The following ROR1 variants were observed in gnomAD, a reference collection of about 807,000 sequenced individuals.
ROR1 encodes inactive tyrosine-protein kinase transmembrane receptor ROR1.
Under a neutral mutation model 78.8 loss-of-function variants are expected in ROR1, and 19 were observed. The observed-to-expected ratio is 0.24, with a 90% CI of 0.17 to 0.35. The LOEUF is 0.35. Ranked by LOEUF, ROR1 falls within the 10% of genes least tolerant of loss-of-function variation. The probability of loss-of-function intolerance (pLI) is 1.00; values close to 1 mark genes in which losing one functional copy is unlikely to be tolerated. For synonymous variants in ROR1, 386 were observed against 433.6 expected (o/e 0.89, Z 1.36); for missense variants, 917 against 1,177.8 (o/e 0.78, Z 3.24).
chr1:64,176,592 G>A (rs546093069), intron 8 of ROR1, among the ~76,000 whole-genome samples: 43 of 152,316 alleles, frequency 2.8e-4, no homozygotes, highest in African/African-American at 9.4e-4. Context: ...TGTGTAACCA[G>A]CCACCACACT....
intron 1 of ROR1, among the ~76,000 whole-genome samples, chr1:63,906,661 A>T (rs1315679801): frequency 5.3e-5 from 8 of 152,132 alleles, no homozygotes; most frequent in Admixed American, 5.2e-4. Flanking sequence ...GGAGATTCAG[A>T]TGTGCAAGAG....
chr1:63,983,568 T>C (rs1336432701), intron 1 of ROR1, among the ~76,000 whole-genome samples: 1 of 152,174 alleles, frequency 6.6e-6, no homozygotes, highest in Non-Finnish European at 1.5e-5. Context: ...GATTTTAAGG[T>C]TTTAGAAACA....
At chr1:63,850,073 C>T (rs1645104583) in intron 1 of ROR1, among the ~76,000 whole-genome samples, 1 of 152,332 alleles carries the variant, frequency 6.6e-6, no homozygotes, top group Non-Finnish European at 1.5e-5. Context: ...CATAAATGCA[C>T]TGAGTGCTAC....
chr1:63,990,304 C>A (rs1646284943), intron 1 of ROR1, among the ~76,000 whole-genome samples: 1 of 152,160 alleles, frequency 6.6e-6, no homozygotes, highest in Non-Finnish European at 1.5e-5. Context: ...CCAAGGAGCA[C>A]TTTGAACGTG....
chr1:64,073,351 T>TTG (rs1318242306), intron 4 of ROR1, among the ~76,000 whole-genome samples: 2 of 152,060 alleles, frequency 1.3e-5, no homozygotes, highest in African/African-American at 4.8e-5. Flanking sequence ...ATTTTACCCA[T>TTG]TTTTCTCCAT....
intron 2 of ROR1, among the ~76,000 whole-genome samples, chr1:64,040,925 A>C (rs2100581465): frequency 6.6e-6 from 1 of 152,340 alleles, no homozygotes; most frequent in East Asian, 1.9e-4. Flanking sequence ...GATCCCATTA[A>C]ATAACCTGCT....
intron 1 of ROR1, among the ~76,000 whole-genome samples, chr1:63,789,963 T>A (rs1313035637): frequency 1.3e-5 from 2 of 152,102 alleles, no homozygotes; most frequent in Non-Finnish European, 2.9e-5. Flanking sequence ...TATGCACATA[T>A]TGGCTTTTCA....
intron 4 of ROR1, among the ~76,000 whole-genome samples, chr1:64,056,637 T>C (rs1035841698): frequency 2.0e-5 from 3 of 151,532 alleles, no homozygotes; most frequent in African/African-American, 7.3e-5. Flanking sequence ...GATCATGCCA[T>C]TGCAGTCCAG....
chr1:64,075,324 T>C (rs1647040377), intron 4 of ROR1, among the ~76,000 whole-genome samples: 1 of 152,226 alleles, frequency 6.6e-6, no homozygotes, highest in African/African-American at 2.4e-5. Context: ...TAGAGGGGGT[T>C]AAGATTATCT....
At chr1:63,919,376 A>C (rs1645635441) in intron 1 of ROR1, among the ~76,000 whole-genome samples, 1 of 151,158 alleles carries the variant, frequency 6.6e-6, no homozygotes, top group Non-Finnish European at 1.5e-5. Context: ...CAAAAAATTT[A>C]TTTTGTCCTT....
intron 1 of ROR1, among the ~76,000 whole-genome samples, chr1:63,836,437 A>C (rs1645019190): frequency 6.6e-6 from 1 of 152,226 alleles, no homozygotes; most frequent in Non-Finnish European, 1.5e-5. Flanking sequence ...AGGAACAAAA[A>C]GTTATGACCA....
At chr1:64,065,916 C>T (rs1208442374) in intron 4 of ROR1, among the ~76,000 whole-genome samples, 1 of 152,188 alleles carries the variant, frequency 6.6e-6, no homozygotes, top group Non-Finnish European at 1.5e-5. Flanking sequence ...GCTGGGATCA[C>T]CCTGTGCCTT....
intron 1 of ROR1, among the ~76,000 whole-genome samples, chr1:63,954,371 C>A (rs911717018): frequency 6.6e-6 from 1 of 152,182 alleles, no homozygotes; most frequent in Non-Finnish European, 1.5e-5. Context: ...TATGGTCACA[C>A]CTAGCTGCAA....
At chr1:64,169,109 C>T (rs1386691178) in intron 8 of ROR1, among the ~76,000 whole-genome samples, 1 of 152,194 alleles carries the variant, frequency 6.6e-6, no homozygotes, top group Non-Finnish European at 1.5e-5. Context: ...TAGGGAATAC[C>T]AATCTCAGAG....
chr1:64,142,265 T>C, intron 6 of ROR1, 140 bp from the exon 7 acceptor site: 1 of 1,380,652 alleles, frequency 7.2e-7, no homozygotes, highest in Non-Finnish European at 9.7e-7. Flanking sequence ...GAGACTGTCC[T>C]GCATGGCCCC....
At chr1:63,940,455 A>G (rs533090615) in intron 1 of ROR1, among the ~76,000 whole-genome samples, 5 of 151,950 alleles carry the variant, frequency 3.3e-5, no homozygotes, top group African/African-American at 1.2e-4. Flanking sequence ...GGTGACAGGT[A>G]GGTAAGTACG....
chr1:63,925,077 T>C (rs1451985567), intron 1 of ROR1, among the ~76,000 whole-genome samples: 1 of 151,008 alleles, frequency 6.6e-6, no homozygotes, highest in East Asian at 1.9e-4. Context: ...GTTAGTTACA[T>C]ATGTATACAT....
intron 1 of ROR1, among the ~76,000 whole-genome samples, chr1:63,802,712 C>T (rs866039500): frequency 1.3e-5 from 2 of 152,218 alleles, no homozygotes; most frequent in Non-Finnish European, 1.5e-5. Context: ...CATTATGTTA[C>T]CATCATAGGG....
chr1:63,863,711 GTATT>G (rs1426020658), intron 1 of ROR1, among the ~76,000 whole-genome samples: 1 of 32,506 alleles, frequency 3.1e-5, no homozygotes, highest in East Asian at 7.2e-4. Context: ...CACTGCCATT[GTATT>G]GTATTGTATT....
Sources: allele counts gnomAD v4.1 joint callset (sites outside exome capture counted in the v4.1 genomes callset), GRCh38; gene constraint gnomAD v4.1.1; transcripts MANE v1.5; gene names NCBI Gene and HGNC (gene_info 2026-07-23, HGNC 2026-07-21).